The following CACNA1B variants were observed in gnomAD, a reference collection of about 807,000 sequenced individuals.
CACNA1B encodes calcium voltage-gated channel subunit alpha1 B.
A neutral mutation model predicts 247.2 loss-of-function variants in CACNA1B; 70 were observed. The observed-to-expected ratio is 0.28, with a 90% confidence interval of 0.23 to 0.35. CACNA1B has a LOEUF of 0.35. Ranked by LOEUF, CACNA1B falls within the 10% of genes least tolerant of loss-of-function variation. The probability of loss-of-function intolerance (pLI) is 1.00; values close to 1 mark genes in which losing one functional copy is unlikely to be tolerated. For missense variants in CACNA1B, 2,367 were observed against 3,197.4 expected, an observed-to-expected ratio of 0.74 and a Z score of 6.26; for synonymous variants, 1,231 against 1,294.4, an observed-to-expected ratio of 0.95 and a Z score of 1.05.
At position 138,071,481 on chromosome 9, in the gene CACNA1B, C is replaced by T. The variant is rs536252995; in HGVS notation, c.4674+1718C>T. Among the ~76,000 whole-genome samples, 11 of 152,274 alleles carry T rather than the reference C, an allele frequency of 7.2e-5. No homozygotes were observed. The South Asian group carries it at 8.3e-4, about 11-fold the overall frequency. ...TCCTGCATGCAGCTGGCATGGTGCT[C>T]GGCCTGCCACGCTGTGCTCGAACAT... On this transcript the variant is annotated intron_variant, in intron 32 of 46. Transcript: ENST00000371372.
chr9:137,983,782 G>A lies in CACNA1B; in HGVS notation c.1657-356G>A, dbSNP rs1021362417. Among the ~76,000 whole-genome samples the A allele has an allele frequency of 2.0e-5, 3 of 151,978 alleles. No homozygotes were observed. The East Asian group carries it at 5.8e-4, about 29-fold the overall frequency. On this transcript the variant is annotated intron_variant, in intron 12 of 46. Coordinates refer to ENST00000371372, the MANE Select transcript of CACNA1B (RefSeq NM_000718.4). The stretch of plus-strand genomic sequence containing the variant: ...CAGAGGTGTTGAAGAAGACACCAGT[G>A]TCACCAGGCTGTGGTCAAGCACAGA...
chr9:138,079,742 CAAAAAAAA>C (rs141292393), intron 36 of CACNA1B, among the ~76,000 whole-genome samples: 1 of 41,828 alleles, frequency 2.4e-5, no homozygotes, highest in Admixed American at 3.0e-4. Flanking sequence ...GACTCCATCT[CAAAAAAAA>C]AAAAAAAAAA....
chr9:137,878,029 G>A lies in CACNA1B; in HGVS notation c.96G>A (p.Pro32=), dbSNP rs1467720819. 26 of 1,271,160 alleles carry A rather than the reference G, an allele frequency of 2.0e-5. No homozygotes were observed. The African/African-American group carries it at 3.8e-4, about 18-fold the overall frequency. The allele number at this position is 1,271,160 out of a possible 1,614,324, so 78.7% of individuals were successfully genotyped here. A position where few individuals can be genotyped will look rare whatever the true frequency, so the allele number is the denominator to read the frequency against. ...GCGGGGCCGGCGGGGCGGGGGGCCC[G>A]GGTCCCGGGGGGCTGCAGCCCGGCC... The part of the protein sequence containing the change: ...RGGGAGGAGG[P]GPGGLQPGQR... The change falls in exon 1 of 47, where the codon CCG becomes CCA. Residue 32 remains proline (P), a synonymous_variant. Coordinates refer to ENST00000371372, the MANE Select transcript of CACNA1B (RefSeq NM_000718.4).
intron 36 of CACNA1B, among the ~76,000 whole-genome samples, chr9:138,085,286 G>GA (rs533824256): frequency 6.6e-6 from 1 of 150,508 alleles, no homozygotes; most frequent in Non-Finnish European, 1.5e-5. Flanking sequence ...TCAAGCAGAA[G>GA]AAAAAAGAAA....
chr9:138,006,233 T>C (rs1256132973), intron 15 of CACNA1B, among the ~76,000 whole-genome samples: 1 of 152,104 alleles, frequency 6.6e-6, no homozygotes, highest in Admixed American at 6.5e-5. Flanking sequence ...TTTTCTTGTA[T>C]GTTTCCAAAA....
rs576661888 is a variant in CACNA1B at position 138,122,914 on chromosome 9, C to T, written c.*915C>T. 1 of 152,358 alleles carries T rather than the reference C, an allele frequency of 6.6e-6. No homozygotes were observed. The highest frequency in any genetic ancestry group is 2.1e-4 in the South Asian group (1 of 4,822). The allele number at this position is 152,358 out of a possible 1,614,324, so 9.4% of individuals were successfully genotyped here. On this transcript the variant is annotated 3_prime_UTR_variant, in exon 47 of 47. Coordinates refer to ENST00000371372, the MANE Select transcript of CACNA1B (RefSeq NM_000718.4). ...ACCGCAGGATGCTGTGAAAAGTACT[C>T]GCGATGGCAGCCAGGTAGCAAGCCC...
rs1957636120 is a variant in CACNA1B, at chr9:137,934,014, CA to C, written c.966+16586del. On this transcript the variant is annotated intron_variant, in intron 6 of 46. Coordinates refer to ENST00000371372, the MANE Select transcript of CACNA1B (RefSeq NM_000718.4). ...ATTGAAACACTTTGGTTAATTATTA[CA>C]AAGGAAGTGATTCCATCCATTTTGA... 2.6e-5 allele frequency among the ~76,000 whole-genome samples: 4 copies of C among 152,236 alleles called. No individual in the cohort carries two copies. The South Asian group carries it at 8.3e-4, about 32-fold the overall frequency.
intron 10 of CACNA1B, among the ~76,000 whole-genome samples, chr9:137,969,720 G>T (rs1958122788): frequency 4.6e-5 from 7 of 152,216 alleles, no homozygotes; most frequent in Admixed American, 4.6e-4. Flanking sequence ...GGTCAGGCTG[G>T]ATGTGTGCTG....
At chr9:137,949,106 G>GT (rs1383280869) in intron 6 of CACNA1B, among the ~76,000 whole-genome samples, 47 of 1,074 alleles carry the variant, frequency 0.044, no homozygotes, top group South Asian at 0.071. Context: ...GCATGTTTGT[G>GT]GTGGCTGTGT....
intron 3 of CACNA1B, among the ~76,000 whole-genome samples, chr9:137,904,007 G>A (rs7865443): frequency 0.36 from 54,888 of 152,094 alleles, 12,818 homozygotes; most frequent in African/African-American, 0.65. Context: ...GGCTTGGACC[G>A]AAGTTTTGGT....
rs1775647807 is a variant in CACNA1B at position 137,965,841 on chromosome 9, C to A, written c.1334-5542C>A. Among the ~76,000 whole-genome samples the A allele has an allele frequency of 2.6e-5, 4 of 152,318 alleles. No individual in the cohort carries two copies. In the South Asian group the frequency reaches 8.3e-4, roughly 32 times the overall value. On this transcript the variant is annotated intron_variant, in intron 10 of 46. Transcript: ENST00000371372. Reference sequence around the variant, plus strand: ...CTCATGATCCGCCCGCCTTGGCCTCCCAAAGTGTGGGGATTACAGGCGTGA... The same window carrying A: ...CTCATGATCCGCCCGCCTTGGCCTCACAAAGTGTGGGGATTACAGGCGTGA...
chr9:137,956,660 A>G (rs1182962836), intron 8 of CACNA1B, 111 bp from the exon 9 acceptor site: 2 of 848,552 alleles, frequency 2.4e-6, no homozygotes, highest in African/African-American at 3.5e-5. Context: ...TCTCAAAAAA[A>G]AAAAAAAAAA....
At chr9:138,087,069 C>T (rs1181073919) in intron 36 of CACNA1B, among the ~76,000 whole-genome samples, 5 of 150,930 alleles carry the variant, frequency 3.3e-5, no homozygotes, top group Admixed American at 6.6e-5. Flanking sequence ...GACAAATGGG[C>T]CAAGGAAGAA....
intron 37 of CACNA1B, 127 bp downstream of exon 37, chr9:138,096,738 A>G: frequency 2.4e-6 from 2 of 836,936 alleles, no homozygotes; most frequent in Non-Finnish European, 1.8e-6. Flanking sequence ...GGGCCTAGGG[A>G]TCTGTCCTGT....
At chr9:137,929,012 A>G (rs953254501) in intron 6 of CACNA1B, among the ~76,000 whole-genome samples, 1 of 152,170 alleles carries the variant, frequency 6.6e-6, no homozygotes. Context: ...AGATATTTCC[A>G]CTTTTAAAAA....
chr9:137,878,391 C>T (rs1956866614), intron 1 of CACNA1B, among the ~76,000 whole-genome samples, 174 bp downstream of exon 1: 1 of 152,032 alleles, frequency 6.6e-6, no homozygotes, highest in South Asian at 2.1e-4. Context: ...GGAGCATTTC[C>T]GTGAGTGCGG....
chr9:137,936,607 T>C (rs1398247351), intron 6 of CACNA1B, among the ~76,000 whole-genome samples: 2 of 152,224 alleles, frequency 1.3e-5, no homozygotes, highest in Non-Finnish European at 2.9e-5. Context: ...ATTTTTATGG[T>C]TTTAAGTCTG....
intron 20 of CACNA1B, among the ~76,000 whole-genome samples, chr9:138,035,306 A>G (rs913334686): frequency 3.9e-5 from 6 of 152,122 alleles, no homozygotes; most frequent in African/African-American, 1.4e-4. Flanking sequence ...TAAAAGTACA[A>G]AAATTAGCTG....
intron 31 of CACNA1B, among the ~76,000 whole-genome samples, chr9:138,065,832 C>T (rs1189800897): frequency 2.6e-5 from 4 of 152,176 alleles, no homozygotes; most frequent in Admixed American, 1.3e-4. Context: ...CTTGCGGTAT[C>T]GTTATTGCAC....
Sources: allele counts gnomAD v4.1 joint callset (sites outside exome capture counted in the v4.1 genomes callset), GRCh38; gene constraint gnomAD v4.1.1; transcripts MANE v1.5; gene names NCBI Gene and HGNC (gene_info 2026-07-23, HGNC 2026-07-21).